The following SRGAP2 variants were observed in gnomAD, a reference collection of about 807,000 sequenced individuals.
The protein encoded by SRGAP2 is SLIT-ROBO Rho GTPase activating protein 2.
SRGAP2 carries 15 observed loss-of-function variants against 57.2 expected under a neutral mutation model. That is an observed-to-expected ratio of 0.26 (90% confidence interval 0.18 to 0.40). The LOEUF (loss-of-function observed/expected upper bound fraction) is 0.40. Among genes scored for constraint, SRGAP2 ranks in the 10% least tolerant of loss-of-function variants. The probability of loss-of-function intolerance (pLI) is 1.00; values close to 1 mark genes in which losing one functional copy is unlikely to be tolerated. For synonymous variants in SRGAP2, 249 were observed against 248.0 expected (o/e 1.00, Z -0.04); for missense variants, 520 against 669.6 (o/e 0.78, Z 2.47).
chr1:206,326,853 TA>T (rs1553330158), intron 3 of SRGAP2, among the ~76,000 whole-genome samples: 1 of 152,210 alleles, frequency 6.6e-6, no homozygotes, highest in Non-Finnish European at 1.5e-5. Context: ...AATCAGATGA[TA>T]AATTAATAGC....
intron 2 of SRGAP2, among the ~76,000 whole-genome samples, chr1:206,216,256 C>A (rs1156535617): frequency 2.0e-5 from 3 of 152,042 alleles, no homozygotes; most frequent in African/African-American, 7.3e-5. Flanking sequence ...TAGAGCTATA[C>A]TTGCTTTGAC....
chr1:206,322,741 CTG>C (rs1475576537), intron 3 of SRGAP2, among the ~76,000 whole-genome samples: 7 of 145,596 alleles, frequency 4.8e-5, no homozygotes. Flanking sequence ...CTATCTTAGT[CTG>C]TTTTGTGTCG....
At chr1:206,350,117 T>TA (rs1273564799) in intron 4 of SRGAP2, among the ~76,000 whole-genome samples, 1 of 151,034 alleles carries the variant, frequency 6.6e-6, no homozygotes, top group Non-Finnish European at 1.5e-5. Flanking sequence ...GAAATGCTGA[T>TA]ACAATATAAA....
At chr1:206,272,945 TC>T (rs1670212370) in intron 2 of SRGAP2, among the ~76,000 whole-genome samples, 1 of 152,134 alleles carries the variant, frequency 6.6e-6, no homozygotes, top group Admixed American at 6.5e-5. Flanking sequence ...AAATAACATT[TC>T]CTGCTTTTTC....
chr1:206,366,294 C>T (rs190706872), intron 4 of SRGAP2, among the ~76,000 whole-genome samples: 1 of 152,332 alleles, frequency 6.6e-6, no homozygotes, highest in African/African-American at 2.4e-5. Flanking sequence ...AGGAGGAATG[C>T]GGAACTGATG....
intron 3 of SRGAP2, among the ~76,000 whole-genome samples, chr1:206,309,077 G>T (rs1672427694): frequency 7.1e-6 from 1 of 141,802 alleles, no homozygotes; most frequent in African/African-American, 2.8e-5. Flanking sequence ...GAGGTGGGAA[G>T]ATCGCTTCAC....
chr1:206,401,305 T>C (rs188423474), intron 7 of SRGAP2, 116 bp from the exon 8 acceptor site: 2 of 716,136 alleles, frequency 2.8e-6, no homozygotes, highest in East Asian at 2.7e-5. Context: ...CAGCCCTCTT[T>C]CTACTGCACA....
chr1:206,433,747 C>A (rs1295470982), intron 14 of SRGAP2, among the ~76,000 whole-genome samples: 1 of 151,722 alleles, frequency 6.6e-6, no homozygotes, highest in Non-Finnish European at 1.5e-5. Flanking sequence ...AATAACGTAA[C>A]CACAATGAAG....
At chr1:206,309,959 A>G (rs79095340) in intron 3 of SRGAP2, among the ~76,000 whole-genome samples, 5,268 of 147,802 alleles carry the variant, frequency 0.036, 144 homozygotes, top group African/African-American at 0.061. Context: ...GAGAGAGAAT[A>G]GTTTTGTTTT....
chr1:206,307,745 G>A (rs1473590251), intron 3 of SRGAP2, among the ~76,000 whole-genome samples: 3 of 152,184 alleles, frequency 2.0e-5, no homozygotes, highest in Non-Finnish European at 2.9e-5. Flanking sequence ...CGGCTGCTCC[G>A]AGTGCGGGGC....
At chr1:206,370,673 T>A (rs1654457823) in intron 4 of SRGAP2, among the ~76,000 whole-genome samples, 1 of 152,216 alleles carries the variant, frequency 6.6e-6, no homozygotes, top group South Asian at 2.1e-4. Context: ...TTAGTGGTGG[T>A]GGTTGTACAA....
At chr1:206,458,226 C>T (rs1443989268) in intron 21 of SRGAP2, 5 of 394,902 alleles carry the variant, frequency 1.3e-5, no homozygotes, top group South Asian at 4.1e-5. Context: ...CTCTTACCAG[C>T]AATCTTGACC....
At chr1:206,415,320 C>G (rs1045887189) in intron 10 of SRGAP2, among the ~76,000 whole-genome samples, 6 of 152,180 alleles carry the variant, frequency 3.9e-5, no homozygotes, top group African/African-American at 1.4e-4. Flanking sequence ...GATGTCAGCC[C>G]CTTCCGCTGA....
chr1:206,383,174 G>A (rs1485260628), intron 4 of SRGAP2, among the ~76,000 whole-genome samples: 11 of 145,968 alleles, frequency 7.5e-5, no homozygotes, highest in Non-Finnish European at 1.6e-4. Context: ...ACAGGCGTGT[G>A]CCATCAGGCC....
chr1:206,376,913 A>G (rs1469752960), intron 4 of SRGAP2, among the ~76,000 whole-genome samples: 6 of 150,740 alleles, frequency 4.0e-5, no homozygotes, highest in East Asian at 3.8e-4. Flanking sequence ...ACGCAGCTAT[A>G]TTGTTTAGTT....
At chr1:206,398,131 A>T (rs1320419728) in intron 7 of SRGAP2, among the ~76,000 whole-genome samples, 1 of 148,860 alleles carries the variant, frequency 6.7e-6, no homozygotes, top group Admixed American at 6.7e-5. Context: ...TGGCCAGGGG[A>T]GTCCAGCGTG....
At chr1:206,355,686 G>T (rs1553339161) in intron 4 of SRGAP2, among the ~76,000 whole-genome samples, 1 of 152,056 alleles carries the variant, frequency 6.6e-6, no homozygotes, top group Non-Finnish European at 1.5e-5. Context: ...CCTCTCTGAG[G>T]CTGGGCACAG....
intron 10 of SRGAP2, among the ~76,000 whole-genome samples, chr1:206,414,454 C>G (rs1659500895): frequency 6.6e-6 from 1 of 152,136 alleles, no homozygotes; most frequent in South Asian, 2.1e-4. Context: ...AGAACTATTA[C>G]CATTTAAAAT....
chr1:206,306,092 C>T (rs1672176857), intron 3 of SRGAP2, among the ~76,000 whole-genome samples: 2 of 152,130 alleles, frequency 1.3e-5, no homozygotes, highest in African/African-American at 2.4e-5. Flanking sequence ...ATATTCTCAG[C>T]TTATGGACGT....
Sources: allele counts gnomAD v4.1 joint callset (sites outside exome capture counted in the v4.1 genomes callset), GRCh38; gene constraint gnomAD v4.1.1; transcripts MANE v1.5; gene names NCBI Gene and HGNC (gene_info 2026-07-23, HGNC 2026-07-21).